Variants in PRKN observed in about 807,000 individuals in gnomAD.
PRKN encodes E3 ubiquitin-protein ligase parkin.
PRKN carries 56 observed loss-of-function variants against 59.5 expected under a neutral mutation model. That is an observed-to-expected ratio of 0.94 (90% CI 0.76 to 1.18). The LOEUF is 1.18. PRKN is among the 50% of genes most tolerant of loss of function. The probability of loss-of-function intolerance (pLI) is 0.00; values close to 1 mark genes in which losing one functional copy is unlikely to be tolerated. For missense variants in PRKN, 657 were observed against 596.4 expected (o/e 1.10, Z -1.06); for synonymous variants, 250 against 222.1 (o/e 1.13, Z -1.12).
intron 1 of PRKN, among the ~76,000 whole-genome samples, chr6:162,678,678 A>G (rs2128232076): frequency 6.6e-6 from 1 of 152,280 alleles, no homozygotes; most frequent in Admixed American, 6.5e-5. Context: ...GAGTTCTTTA[A>G]ATAGTCTAAA....
intron 2 of PRKN, among the ~76,000 whole-genome samples, chr6:162,280,746 G>C (rs1195921817): frequency 1.4e-5 from 2 of 138,440 alleles, no homozygotes; most frequent in Non-Finnish European, 3.0e-5. Flanking sequence ...ACAGTGAGTG[G>C]AGATGACGCC....
chr6:161,507,280 G>A (rs552759937), intron 9 of PRKN, among the ~76,000 whole-genome samples: 1 of 152,162 alleles, frequency 6.6e-6, no homozygotes, highest in African/African-American at 2.4e-5. Context: ...AAGAAGACGA[G>A]TGACTTTTTG....
chr6:162,355,956 C>G (rs550677522), intron 2 of PRKN, among the ~76,000 whole-genome samples: 1 of 152,226 alleles, frequency 6.6e-6, no homozygotes, highest in African/African-American at 2.4e-5. Flanking sequence ...ATTCTGCATA[C>G]AAGTGCCCAG....
chr6:161,793,716 T>C (rs547313281), intron 6 of PRKN, among the ~76,000 whole-genome samples: 194 of 152,292 alleles, frequency 1.3e-3, no homozygotes, highest in Admixed American at 3.5e-3. Context: ...GCTCCCAAGA[T>C]AGCTCATGGC....
intron 4 of PRKN, among the ~76,000 whole-genome samples, chr6:162,196,461 T>A (rs1050329567): frequency 6.6e-6 from 1 of 152,202 alleles, no homozygotes; most frequent in African/African-American, 2.4e-5. Flanking sequence ...TCTGTCTCAT[T>A]TCTGCATGGA....
chr6:161,570,963 C>G (rs1172533359), intron 7 of PRKN, among the ~76,000 whole-genome samples: 1 of 152,212 alleles, frequency 6.6e-6, no homozygotes, highest in East Asian at 1.9e-4. Context: ...TTTTTTGAGT[C>G]AGGGTCTAAC....
rs149812459 is a variant in PRKN at position 161,540,849 on chromosome 6, A to C, written c.1083+8005T>G. On this transcript the variant is annotated intron_variant, in intron 9 of 11. Transcript: ENST00000366898. ...TAATCTGGCTTACCTGGTGCCTCCA[A>C]CTCTTGGATTGCAGCTCTCTGCTCC... is the stretch of plus-strand genomic sequence containing the variant. 6.3e-3 allele frequency among the ~76,000 whole-genome samples: 953 copies of C among 152,108 alleles called. 8 individuals are homozygous for C. Among genetic ancestry groups the C allele is most frequent in the African/African-American group, 0.021 (890 of 41,462 alleles).
At chr6:161,600,832 T>C (rs1204484733) in intron 7 of PRKN, among the ~76,000 whole-genome samples, 1 of 152,172 alleles carries the variant, frequency 6.6e-6, no homozygotes, top group East Asian at 1.9e-4. Flanking sequence ...GAAGACACTA[T>C]TAAAGCAGCT....
chr6:162,266,741 G>C (rs1399245365), intron 2 of PRKN, among the ~76,000 whole-genome samples: 2 of 152,126 alleles, frequency 1.3e-5, no homozygotes, highest in African/African-American at 4.8e-5. Context: ...GAAGATTTAA[G>C]GAAATGTAAA....
At chr6:161,895,097 A>G (rs966831362) in intron 6 of PRKN, among the ~76,000 whole-genome samples, 2 of 152,338 alleles carry the variant, frequency 1.3e-5, no homozygotes, top group South Asian at 4.1e-4. Flanking sequence ...ACCAGTGAAA[A>G]AACTTTCAAG....
chr6:162,382,008 G>A (rs1159797252), intron 2 of PRKN, among the ~76,000 whole-genome samples: 1 of 152,070 alleles, frequency 6.6e-6, no homozygotes, highest in Non-Finnish European at 1.5e-5. Context: ...ACACTTAGGG[G>A]GTTATTGGTC....
chr6:161,357,805 C>G lies in PRKN; in HGVS notation c.1285+2283G>C, dbSNP rs1222769745. Among the ~76,000 whole-genome samples the G allele has an allele frequency of 6.6e-6, 1 of 152,232 alleles. No individual in the cohort carries two copies. Among genetic ancestry groups the G allele is most frequent in the Non-Finnish European group, 1.5e-5 (1 of 68,044 alleles). ...AAACCTTTCCGCCATGCCTTCATAA[C>G]CTTCATCCACACGAATCAGAGCACG... On this transcript the variant is annotated intron_variant, in intron 11 of 11. Transcript: ENST00000366898. The surrounding 1 kb of genome is among the most constrained non-coding windows in gnomAD (Gnocchi z 5.5).
chr6:162,719,493 C>T (rs943579155), intron 1 of PRKN, among the ~76,000 whole-genome samples: 1 of 152,108 alleles, frequency 6.6e-6, no homozygotes, highest in African/African-American at 2.4e-5. Flanking sequence ...CTAACTTGCC[C>T]CCATCCTCTA....
At chr6:161,750,605 T>TA (rs1562654622) in intron 7 of PRKN, among the ~76,000 whole-genome samples, 1 of 151,686 alleles carries the variant, frequency 6.6e-6, no homozygotes, top group Non-Finnish European at 1.5e-5. Flanking sequence ...CCGTCTCTAC[T>TA]AAAAGTACAA....
At chr6:161,511,181 C>T (rs1485253685) in intron 9 of PRKN, among the ~76,000 whole-genome samples, 1 of 152,032 alleles carries the variant, frequency 6.6e-6, no homozygotes, top group East Asian at 1.9e-4. Flanking sequence ...TAAAAATAGA[C>T]AAAACAATCA....
chr6:161,955,995 AC>A (rs1459223057), intron 6 of PRKN, among the ~76,000 whole-genome samples: 2 of 152,250 alleles, frequency 1.3e-5, no homozygotes. Flanking sequence ...AGAACAAAGT[AC>A]AGATAAGTCA....
chr6:162,181,694 A>G (rs1215259854), intron 4 of PRKN, among the ~76,000 whole-genome samples: 1 of 152,206 alleles, frequency 6.6e-6, no homozygotes, highest in Non-Finnish European at 1.5e-5. Flanking sequence ...AATCATAAGT[A>G]GGAATCACTA....
chr6:161,736,537 C>T (rs977836119), intron 7 of PRKN, among the ~76,000 whole-genome samples: 6 of 152,136 alleles, frequency 3.9e-5, no homozygotes, highest in Non-Finnish European at 7.4e-5. Context: ...CTCCCCTTAC[C>T]GGGGGCCATC....
At chr6:162,216,539 A>C (rs1438740321) in intron 3 of PRKN, among the ~76,000 whole-genome samples, 2 of 134,540 alleles carry the variant, frequency 1.5e-5, no homozygotes, top group Non-Finnish European at 3.0e-5. Context: ...TCCGTCTCAA[A>C]AAAAAAAAAA....
Sources: allele counts gnomAD v4.1 joint callset (sites outside exome capture counted in the v4.1 genomes callset), GRCh38; gene constraint gnomAD v4.1.1; non-coding constraint Gnocchi (gnomAD v3.1); transcripts MANE v1.5; gene names NCBI Gene and HGNC (gene_info 2026-07-23, HGNC 2026-07-21).